The following SPEN variants were observed in gnomAD, a reference collection of about 807,000 sequenced individuals.
SPEN encodes msx2-interacting protein.
Under a neutral mutation model 269.9 loss-of-function variants are expected in SPEN, and 18 were observed. The observed-to-expected ratio is 0.07, with a 90% CI of 0.05 to 0.10. The LOEUF (loss-of-function observed/expected upper bound fraction) is 0.10, where lower values mean the gene tolerates loss of function less well. Among genes scored for constraint, SPEN ranks in the 10% least tolerant of loss-of-function variants. The pLI, the probability that SPEN is intolerant of heterozygous loss-of-function variation, is 1.00. For missense variants in SPEN, 3,822 were observed against 4,631.2 expected, an observed-to-expected ratio of 0.83 and a Z score of 5.07; for synonymous variants, 1,726 against 1,765.7, an observed-to-expected ratio of 0.98 and a Z score of 0.56.
rs143081088 is a variant in SPEN at position 15,935,109 on chromosome 1, A to G, written c.8869A>G (p.Asn2957Asp). Reference sequence around the variant, plus strand: ...CCTCACCCCAAGCATTGTCACCACAAACAAGAAGCTTGCTGACCCCGTCAC... The same window carrying G: ...CCTCACCCCAAGCATTGTCACCACAGACAAGAAGCTTGCTGACCCCGTCAC... The part of the protein sequence containing the change: ...LVLTPSIVTT[N>D]KKLADPVTLK... Residue 2957 changes from asparagine (N) to aspartate (D), a missense_variant, in exon 11 of 15, where the codon AAC (asparagine) becomes GAC (aspartate). Asn to Asp is a conservative substitution (Grantham distance 23, BLOSUM62 1). Around this residue, in one of 16 missense-constraint regions of SPEN, gnomAD observed 20 missense variants for 60.7 expected, o/e 0.33. Transcript: ENST00000375759. This position sits in a 1 kb window ranked among gnomAD's most constrained non-coding sequence, Gnocchi z 7.7. 1,453 of 1,613,986 alleles carry G rather than the reference A, an allele frequency of 9.0e-4. 6 individuals carry two copies. Among genetic ancestry groups the G allele is most frequent in the Non-Finnish European group, 3.8e-4 (454 of 1,179,976 alleles).
intron 3 of SPEN, among the ~76,000 whole-genome samples, chr1:15,905,772 A>C (rs1319293184): frequency 6.6e-6 from 1 of 151,332 alleles, no homozygotes; most frequent in Non-Finnish European, 1.5e-5. Flanking sequence ...ACCGGGTTTC[A>C]CCATGTTGGC....
chr1:15,908,902 C>G (rs1404277416), intron 3 of SPEN, among the ~76,000 whole-genome samples: 1 of 152,008 alleles, frequency 6.6e-6, no homozygotes, highest in African/African-American at 2.4e-5. Context: ...GATAGGAAAC[C>G]CATTTCAAAG....
chr1:15,902,648 AAAAAT>A (rs2070914827), intron 3 of SPEN, among the ~76,000 whole-genome samples: 1 of 152,230 alleles, frequency 6.6e-6, no homozygotes, highest in African/African-American at 2.4e-5. Flanking sequence ...CGTCTCTACA[AAAAAT>A]AAAATAAATA....
chr1:15,888,523 C>T (rs1313737647), intron 3 of SPEN, among the ~76,000 whole-genome samples: 1 of 152,060 alleles, frequency 6.6e-6, no homozygotes, highest in South Asian at 2.1e-4. Context: ...AGGGTTTCGC[C>T]ATATTGGTCA....
intron 5 of SPEN, among the ~76,000 whole-genome samples, chr1:15,913,526 A>G (rs1370681150): frequency 1.3e-5 from 2 of 152,006 alleles, no homozygotes; most frequent in Non-Finnish European, 2.9e-5. Flanking sequence ...TGTCATAATC[A>G]TGGCTCACCA....
intron 2 of SPEN, chr1:15,873,876 C>G (rs767471377): frequency 9.1e-7 from 1 of 1,095,500 alleles, no homozygotes; most frequent in Non-Finnish European, 1.1e-6. Flanking sequence ...ATTCCACTAG[C>G]CCAGGGAAAG....
At chr1:15,871,834 A>C (rs1448041966) in intron 1 of SPEN, among the ~76,000 whole-genome samples, 1 of 152,184 alleles carries the variant, frequency 6.6e-6, no homozygotes, top group East Asian at 1.9e-4. Context: ...ATAGCTATGT[A>C]TAGTTTTTAT....
At chr1:15,892,161 T>C (rs1297799250) in intron 3 of SPEN, among the ~76,000 whole-genome samples, 2 of 151,576 alleles carry the variant, frequency 1.3e-5, no homozygotes, top group Non-Finnish European at 2.9e-5. Flanking sequence ...GCTGGGACTA[T>C]AGGCACCTTC....
Position 15,930,348 on chromosome 1 carries a change from G to A in SPEN, c.4108G>A (p.Val1370Ile). 2 of 1,613,712 alleles carry A rather than the reference G, an allele frequency of 1.2e-6. No individual in the cohort carries two copies. Among genetic ancestry groups the A allele is most frequent in the Non-Finnish European group, 8.5e-7 (1 of 1,179,648 alleles). ...IKRDSLRKRS[V>I]RDLEPGEVPS... The stretch of plus-strand genomic sequence containing the variant: ...GAGAGATAGCCTTCGAAAAAGGTCT[G>A]TACGAGATCTGGAACCTGGTGAGGT... Residue 1370 changes from valine to isoleucine, a missense_variant, in exon 11 of 15, where the codon GTA becomes ATA. Transcript: ENST00000375759. This position sits in a 1 kb window ranked among gnomAD's most constrained non-coding sequence, Gnocchi z 5.3.
intron 1 of SPEN, among the ~76,000 whole-genome samples, chr1:15,857,995 G>A (rs2070404200): frequency 6.6e-6 from 1 of 152,118 alleles, no homozygotes; most frequent in African/African-American, 2.4e-5. Context: ...GGGTGTGGTG[G>A]CACATGCCTG....
intron 1 of SPEN, among the ~76,000 whole-genome samples, chr1:15,869,062 A>T (rs1035106023): frequency 1.3e-5 from 2 of 151,912 alleles, no homozygotes; most frequent in South Asian, 2.1e-4. Context: ...ATTATTTATT[A>T]ATTTATTTTC....
chr1:15,905,869 G>T (rs1015892636), intron 3 of SPEN, among the ~76,000 whole-genome samples: 1 of 152,120 alleles, frequency 6.6e-6, no homozygotes, highest in Admixed American at 6.6e-5. Flanking sequence ...TACCGTGCTC[G>T]GCCCTTGTTA....
chr1:15,902,549 C>T (rs1350385017), intron 3 of SPEN, among the ~76,000 whole-genome samples: 3 of 152,094 alleles, frequency 2.0e-5, no homozygotes, highest in Non-Finnish European at 2.9e-5. Context: ...TGGTGGCTCA[C>T]GCCTATAATC....
chr1:15,889,466 A>T (rs1489687676), intron 3 of SPEN, among the ~76,000 whole-genome samples: 1 of 150,616 alleles, frequency 6.6e-6, no homozygotes, highest in African/African-American at 2.4e-5. Flanking sequence ...GTGCCTGGCC[A>T]ACATTAGCAT....
At chr1:15,897,930 A>G (rs1195070548) in intron 3 of SPEN, among the ~76,000 whole-genome samples, 1 of 152,166 alleles carries the variant, frequency 6.6e-6, no homozygotes, top group Non-Finnish European at 1.5e-5. Flanking sequence ...GAGTCCTGCA[A>G]TGCTTTCCCC....
intron 1 of SPEN, among the ~76,000 whole-genome samples, chr1:15,861,884 A>G (rs1398352953): frequency 6.6e-6 from 1 of 152,104 alleles, no homozygotes; most frequent in Non-Finnish European, 1.5e-5. Context: ...TACTAAAAAT[A>G]TGAAAAAATT....
intron 2 of SPEN, 67 bp downstream of exon 2, chr1:15,873,203 T>A: frequency 6.7e-7 from 1 of 1,499,820 alleles, no homozygotes; most frequent in Non-Finnish European, 8.9e-7. Context: ...AAACTCATAT[T>A]TAGGGGCCCC....
Position 15,930,012 on chromosome 1 carries a change from A to T in SPEN, c.3772A>T (p.Thr1258Ser), listed in dbSNP as rs763700786. The T allele has an allele frequency of 8.6e-5, 139 of 1,614,054 alleles. No homozygotes were observed. The highest frequency in any genetic ancestry group is 1.1e-4 in the Non-Finnish European group (130 of 1,180,042). ...CCAAATCAGCGAAGATTCTGAAAGG[A>T]CTGGTGGTTCTCCCAGTGTCCGACA... is the stretch of plus-strand genomic sequence containing the variant. The part of the protein sequence containing the change: ...SRQISEDSER[T>S]GGSPSVRHGS... Residue 1258 changes from threonine (T) to serine (S), a missense_variant, in exon 11 of 15, where the codon ACT becomes TCT. Physicochemically the swap from Thr to Ser is moderately conservative, Grantham distance 58. Coordinates refer to ENST00000375759, the MANE Select transcript of SPEN (RefSeq NM_015001.3). The surrounding 1 kb of genome is among the most constrained non-coding windows in gnomAD (Gnocchi z 5.3).
At chr1:15,870,837 G>A (rs2070565939) in intron 1 of SPEN, among the ~76,000 whole-genome samples, 1 of 152,224 alleles carries the variant, frequency 6.6e-6, no homozygotes. Context: ...GTTATGGAGT[G>A]AGTTTCTTAT....
Sources: allele counts gnomAD v4.1 joint callset (sites outside exome capture counted in the v4.1 genomes callset), GRCh38; gene constraint gnomAD v4.1.1; regional missense constraint gnomAD v4.1.1; non-coding constraint Gnocchi (gnomAD v3.1); transcripts MANE v1.5; gene names NCBI Gene and HGNC (gene_info 2026-07-23, HGNC 2026-07-21).